The following NTRK2 variants were observed in gnomAD, a reference collection of about 807,000 sequenced individuals.
The protein encoded by NTRK2 is BDNF/NT-3 growth factors receptor.
In NTRK2, 13 loss-of-function variants were observed where a neutral mutation model predicts 94.5. That is an observed-to-expected ratio of 0.14 (90% confidence interval 0.09 to 0.22). The LOEUF is 0.22. NTRK2 is among the 10% of genes least tolerant of loss of function. The probability of loss-of-function intolerance (pLI) is 1.00; values close to 1 mark genes in which losing one functional copy is unlikely to be tolerated. For missense variants in NTRK2, 639 were observed against 1,071.2 expected (o/e 0.60, Z 5.63); for synonymous variants, 372 against 407.4 (o/e 0.91, Z 1.05).
chr9:84,772,602 G>A (rs2066664656), intron 12 of NTRK2, among the ~76,000 whole-genome samples: 1 of 152,192 alleles, frequency 6.6e-6, no homozygotes, highest in African/African-American at 2.4e-5. Flanking sequence ...ACCTCTAGAA[G>A]TTTGTAGTCT....
intron 17 of NTRK2, among the ~76,000 whole-genome samples, chr9:85,010,023 T>C (rs1289166687): frequency 1.3e-5 from 2 of 152,220 alleles, no homozygotes; most frequent in East Asian, 3.8e-4. Context: ...ATGAAGAAGC[T>C]GGGATTGATG....
chr9:84,897,002 T>C (rs2076777151), intron 14 of NTRK2, among the ~76,000 whole-genome samples: 1 of 152,154 alleles, frequency 6.6e-6, no homozygotes. Flanking sequence ...CTCTGAGAGA[T>C]GTTCTTGTTA....
chr9:84,818,644 A>G (rs905326219), intron 12 of NTRK2, among the ~76,000 whole-genome samples: 2 of 152,274 alleles, frequency 1.3e-5, no homozygotes, highest in South Asian at 2.1e-4. Flanking sequence ...TTTGTCCGTT[A>G]TAACTGAAGA....
intron 12 of NTRK2, chr9:84,811,415 A>T: frequency 9.4e-7 from 1 of 1,066,138 alleles, no homozygotes; most frequent in South Asian, 4.5e-5. Flanking sequence ...AATAACTAAG[A>T]GTGGAATATA....
chr9:84,937,089 G>A (rs907305153), intron 15 of NTRK2, among the ~76,000 whole-genome samples: 12 of 152,154 alleles, frequency 7.9e-5, no homozygotes, highest in African/African-American at 4.8e-5. Flanking sequence ...TAGGCCTATT[G>A]AAAGTGTATT....
intron 9 of NTRK2, among the ~76,000 whole-genome samples, chr9:84,728,364 A>C (rs1420079564): frequency 6.6e-6 from 1 of 152,192 alleles, no homozygotes; most frequent in Non-Finnish European, 1.5e-5. Context: ...TGATGAGGAA[A>C]TTAATAATTT....
intron 2 of NTRK2, among the ~76,000 whole-genome samples, chr9:84,676,329 G>A (rs1277361379): frequency 6.6e-6 from 1 of 152,214 alleles, no homozygotes; most frequent in Non-Finnish European, 1.5e-5. Context: ...GTCTGGCAGT[G>A]TGTGAATCTG....
chr9:84,982,494 G>A (rs577024774), intron 17 of NTRK2, among the ~76,000 whole-genome samples: 1 of 152,320 alleles, frequency 6.6e-6, no homozygotes, highest in Non-Finnish European at 1.5e-5. Flanking sequence ...CATTAGGTCT[G>A]AATCCATGTG....
At position 84,710,854 on chromosome 9, in the gene NTRK2, G is replaced by C. The variant is rs2061378877; in HGVS notation, c.583+63G>C. The C allele has an allele frequency of 5.1e-6, 8 of 1,555,274 alleles. No individual in the cohort carries two copies. The Admixed American group carries it at 8.4e-5, about 16-fold the overall frequency. ...TAATTATTCTCATTGCCTTGGTGCG[G>C]TAGTCTGGGAAAATTACCACTACCT... On this transcript the variant is annotated intron_variant, in intron 6 of 18. Transcript: ENST00000277120.
chr9:84,860,891 G>A (rs1409915476), intron 12 of NTRK2, 149 bp from the exon 13 acceptor site: 12 of 379,040 alleles, frequency 3.2e-5, no homozygotes, highest in Middle Eastern at 6.8e-4. Context: ...CAAGTGGTTT[G>A]TTTATTTATT....
chr9:84,677,818 C>T (rs1204269012), intron 2 of NTRK2, among the ~76,000 whole-genome samples: 1 of 152,082 alleles, frequency 6.6e-6, no homozygotes, highest in Non-Finnish European at 1.5e-5. Context: ...GTCTTCCCCA[C>T]CCCTATCCTC....
intron 9 of NTRK2, among the ~76,000 whole-genome samples, chr9:84,737,108 CT>C (rs1418839542): frequency 2.0e-5 from 3 of 152,116 alleles, no homozygotes; most frequent in African/African-American, 7.2e-5. Context: ...ATAGAAAAGT[CT>C]TTTCTCTCTC....
At chr9:85,018,006 TCATCTTACC>T (rs1261041897) in intron 17 of NTRK2, among the ~76,000 whole-genome samples, 2 of 152,198 alleles carry the variant, frequency 1.3e-5, no homozygotes, top group Non-Finnish European at 2.9e-5. Flanking sequence ...CCCTTTGATT[TCATCTTACC>T]CATTTTTTTT....
intron 2 of NTRK2, among the ~76,000 whole-genome samples, chr9:84,689,835 C>T (rs550828951): frequency 1.4e-4 from 21 of 152,272 alleles, no homozygotes; most frequent in African/African-American, 4.3e-4. Flanking sequence ...CTTTCTGTCT[C>T]TATGAATTTG....
At position 84,873,906 on chromosome 9, in the gene NTRK2, A is replaced by G. The variant is rs538949459; in HGVS notation, c.1633+6475A>G. On this transcript the variant is annotated intron_variant, in intron 14 of 18. Coordinates refer to ENST00000277120, the MANE Select transcript of NTRK2 (RefSeq NM_006180.6). ...GATTATGGATTTAGGTCAGGGAGAC[A>G]GAGTGATATTCTGAAGACTGTGTTT... The G allele has an allele frequency of 3.8e-6, 4 of 1,062,644 alleles. No individual in the cohort carries two copies. The African/African-American group carries it at 6.5e-5, about 17-fold the overall frequency. 65.8% of individuals were successfully genotyped at this position (1,062,644 alleles called of 1,614,324 possible). A position where few individuals can be genotyped will look rare whatever the true frequency, so the allele number is the denominator to read the frequency against.
At chr9:84,976,062 G>T (rs766023121) in intron 17 of NTRK2, among the ~76,000 whole-genome samples, 1 of 152,120 alleles carries the variant, frequency 6.6e-6, no homozygotes, top group Admixed American at 6.5e-5. Context: ...CCTAAATTCT[G>T]TCCTCAAAAC....
At chr9:84,907,314 T>C (rs2077101008) in intron 14 of NTRK2, among the ~76,000 whole-genome samples, 1 of 152,222 alleles carries the variant, frequency 6.6e-6, no homozygotes, top group Non-Finnish European at 1.5e-5. Flanking sequence ...ATGTGTTTTA[T>C]TTGGATAAGT....
chr9:84,835,889 A>G (rs191820018), intron 12 of NTRK2, among the ~76,000 whole-genome samples: 139 of 152,362 alleles, frequency 9.1e-4, no homozygotes, highest in Non-Finnish European at 1.6e-3. Context: ...CTAATCTAAT[A>G]TAAAACTCAA....
intron 14 of NTRK2, among the ~76,000 whole-genome samples, chr9:84,924,608 G>A (rs1430119598): frequency 5.9e-5 from 9 of 152,232 alleles, no homozygotes; most frequent in African/African-American, 2.2e-4. Flanking sequence ...TCAAAGCGAA[G>A]GATGTACCGT....
Sources: gnomAD v4.1 joint callset for allele counts (sites outside exome capture counted in the v4.1 genomes callset) on GRCh38, gnomAD v4.1.1 for gene constraint, MANE v1.5 for transcripts, NCBI Gene and HGNC (gene_info 2026-07-23, HGNC 2026-07-21) for gene names.